Variants in QTMAN observed in about 807,000 individuals in gnomAD.
QTMAN encodes the protein tRNA-queuosine alpha-mannosyltransferase.
At chr2:144,302,878 G>GA in the QTMAN span, among the ~76,000 whole-genome samples, 1 of 152,130 alleles carries the variant, frequency 6.6e-6, no homozygotes, top group Non-Finnish European at 1.5e-5. Context: ...AGGCGGGGGG[G>GA]ATCACTTGAG....
At chr2:144,248,808 T>C in the QTMAN span, among the ~76,000 whole-genome samples, 1 of 152,008 alleles carries the variant, frequency 6.6e-6, no homozygotes, top group African/African-American at 2.4e-5. Flanking sequence ...TCATATAAAA[T>C]ATAAGATCTC....
the QTMAN span, among the ~76,000 whole-genome samples, chr2:144,130,994 T>C: frequency 6.6e-6 from 1 of 151,960 alleles, no homozygotes; most frequent in South Asian, 2.1e-4. Context: ...GTTGAAAAGA[T>C]CTGATGGTTT....
At chr2:144,261,005 G>C in the QTMAN span, among the ~76,000 whole-genome samples, 2 of 152,020 alleles carry the variant, frequency 1.3e-5, no homozygotes, top group East Asian at 1.9e-4. Flanking sequence ...TGAGAAAAAG[G>C]AACCATACTT....
the QTMAN span, among the ~76,000 whole-genome samples, chr2:144,215,831 T>C: frequency 1.3e-5 from 2 of 152,188 alleles, no homozygotes; most frequent in Non-Finnish European, 2.9e-5. Context: ...CATGCTACCA[T>C]ACAATCTTGT....
chr2:144,140,988 G>A, the QTMAN span, among the ~76,000 whole-genome samples: 1 of 152,010 alleles, frequency 6.6e-6, no homozygotes, highest in Non-Finnish European at 1.5e-5. Context: ...AGCAAAATAT[G>A]GGTGAACTCA....
chr2:143,953,267 G>A, the QTMAN span, among the ~76,000 whole-genome samples: 1 of 151,814 alleles, frequency 6.6e-6, no homozygotes, highest in Admixed American at 6.6e-5. Context: ...TAGCACTGTC[G>A]CTGTAGAAAA....
chr2:144,172,809 C>T, the QTMAN span, among the ~76,000 whole-genome samples: 13 of 151,986 alleles, frequency 8.6e-5, no homozygotes, highest in East Asian at 2.3e-3. Flanking sequence ...TAAGATTATG[C>T]CTTACCTAAG....
the QTMAN span, among the ~76,000 whole-genome samples, chr2:143,949,484 G>T: frequency 6.6e-6 from 1 of 151,842 alleles, no homozygotes; most frequent in Non-Finnish European, 1.5e-5. Context: ...AAGTTGAAAT[G>T]ATTTTAAAAT....
chr2:143,993,161 G>C, the QTMAN span, among the ~76,000 whole-genome samples: 1 of 152,130 alleles, frequency 6.6e-6, no homozygotes, highest in African/African-American at 2.4e-5. Flanking sequence ...TGATTAATAG[G>C]TACTGTAAGC....
At chr2:144,273,096 C>A in the QTMAN span, among the ~76,000 whole-genome samples, 1 of 151,998 alleles carries the variant, frequency 6.6e-6, no homozygotes, top group Non-Finnish European at 1.5e-5. Context: ...TATTTATGTA[C>A]CTTTCTACTT....
At chr2:144,103,957 G>T in the QTMAN span, among the ~76,000 whole-genome samples, 1 of 152,116 alleles carries the variant, frequency 6.6e-6, no homozygotes. Context: ...AGGTGTGGTG[G>T]TGCACACCTG....
chr2:144,022,560 CTTT>C, the QTMAN span, among the ~76,000 whole-genome samples: 7 of 104,260 alleles, frequency 6.7e-5, no homozygotes, highest in East Asian at 3.0e-4. Flanking sequence ...CTCTCTCTCT[CTTT>C]TTTTTTTTTT....
At chr2:144,270,706 T>C in the QTMAN span, among the ~76,000 whole-genome samples, 5 of 151,966 alleles carry the variant, frequency 3.3e-5, no homozygotes, top group Non-Finnish European at 7.4e-5. Flanking sequence ...CTAATGCATA[T>C]GGGGCTTAAA....
the QTMAN span, among the ~76,000 whole-genome samples, chr2:143,965,462 C>T: frequency 3.3e-5 from 5 of 152,160 alleles, no homozygotes; most frequent in Non-Finnish European, 2.9e-5. Context: ...TTTCCCTTTC[C>T]CATCTCCTCC....
At chr2:144,021,400 C>T in the QTMAN span, among the ~76,000 whole-genome samples, 1 of 152,126 alleles carries the variant, frequency 6.6e-6, no homozygotes, top group Non-Finnish European at 1.5e-5. Context: ...AAGTCTCTTA[C>T]GTACCCTTTT....
the QTMAN span, among the ~76,000 whole-genome samples, chr2:143,956,651 T>C: frequency 2.0e-5 from 3 of 152,146 alleles, no homozygotes; most frequent in Non-Finnish European, 2.9e-5. Flanking sequence ...CTGAAGTCCA[T>C]TAGACAGTGC....
At chr2:144,326,205 T>C in the QTMAN span, among the ~76,000 whole-genome samples, 10 of 152,184 alleles carry the variant, frequency 6.6e-5, no homozygotes, top group Non-Finnish European at 1.5e-4. Context: ...CAAGGCAACA[T>C]AGTGAAAATT....
At chr2:143,969,744 G>T in the QTMAN span, among the ~76,000 whole-genome samples, 3 of 152,146 alleles carry the variant, frequency 2.0e-5, no homozygotes, top group Admixed American at 2.0e-4. Context: ...AAGAAGCCTG[G>T]TGTCTTAGGA....
the QTMAN span, among the ~76,000 whole-genome samples, chr2:144,052,887 G>A: frequency 5.9e-5 from 9 of 152,268 alleles, no homozygotes; most frequent in African/African-American, 2.2e-4. Flanking sequence ...GACCTCAGGT[G>A]ATCCATCCAC....
Sources: gnomAD v4.1 joint callset for allele counts (sites outside exome capture counted in the v4.1 genomes callset) on GRCh38, gnomAD v4.1.1 for gene constraint, MANE v1.5 for transcripts, NCBI Gene and HGNC (gene_info 2026-07-23, HGNC 2026-07-21) for gene names.